The following SYCE3 variants were observed in gnomAD, a reference collection of about 807,000 sequenced individuals.
SYCE3 encodes testis highly expressed gene 2 protein.
SYCE3 carries 3 observed loss-of-function variants against 8.1 expected under a neutral mutation model. The ratio of observed to expected loss-of-function variants is 0.37; its 90% CI spans 0.17 to 0.96. The LOEUF (loss-of-function observed/expected upper bound fraction) is 0.96, where lower values mean the gene tolerates loss of function less well. SYCE3 is among the 40% of genes least tolerant of loss of function. SYCE3 has a pLI of 0.41. For synonymous variants in SYCE3, 36 were observed against 38.7 expected (o/e 0.93, Z 0.26); for missense variants, 83 against 110.0 (o/e 0.75, Z 1.10).
At chr22:50,555,729 A>T (rs1315869694) in intron 2 of SYCE3, among the ~76,000 whole-genome samples, 1 of 151,278 alleles carries the variant, frequency 6.6e-6, no homozygotes, top group Admixed American at 6.6e-5. Flanking sequence ...ATTTAAATCT[A>T]TCTATAACCT....
intron 1 of SYCE3, 74 bp from the exon 2 acceptor site, chr22:50,556,479 A>C: frequency 9.7e-7 from 1 of 1,033,986 alleles, no homozygotes; most frequent in Non-Finnish European, 1.4e-6. Context: ...GTTATAACTC[A>C]GTGATTTCTC....
intron 1 of SYCE3, among the ~76,000 whole-genome samples, chr22:50,560,044 C>T (rs552610532): frequency 2.6e-5 from 4 of 152,184 alleles, no homozygotes; most frequent in African/African-American, 4.8e-5. Context: ...AGAGCCCAAT[C>T]GAAATGTTTC....
chr22:50,559,212 C>T (rs1016880876), intron 1 of SYCE3, among the ~76,000 whole-genome samples: 1 of 152,046 alleles, frequency 6.6e-6, no homozygotes, highest in East Asian at 1.9e-4. Flanking sequence ...CCACAACCTC[C>T]GCCTCCCAGG....
intron 2 of SYCE3, among the ~76,000 whole-genome samples, chr22:50,554,300 T>C (rs991579410): frequency 6.6e-6 from 1 of 151,882 alleles, no homozygotes; most frequent in Non-Finnish European, 1.5e-5. Context: ...AAAATACAAC[T>C]AAATATTTCA....
rs373086990 is a variant in SYCE3 at position 50,551,364 on chromosome 22, G to A, written c.148C>T (p.Arg50Cys). 4.5e-6 allele frequency: 7 copies of A among 1,550,920 alleles called. No individual in the cohort carries two copies. The highest frequency in any genetic ancestry group is 1.2e-5 in the South Asian group (1 of 84,058). ...GACTCGGCCAGCGTAGGGTTGGTGC[G>A]CATCACCACCATGTCATAGGCCATC... ...TWMAYDMVVMRTNPTLAESMR... is the reference protein window; with the variant it reads ...TWMAYDMVVMCTNPTLAESMR... The change falls in exon 3 of 3, where the codon CGC becomes TGC. Residue 50 changes from arginine (R) to cysteine (C), a missense_variant. Coordinates refer to ENST00000406915, the MANE Select transcript of SYCE3 (RefSeq NM_001123225.3).
chr22:50,554,494 G>A (rs2069839603), intron 2 of SYCE3, among the ~76,000 whole-genome samples: 1 of 151,682 alleles, frequency 6.6e-6, no homozygotes, highest in Admixed American at 6.6e-5. Flanking sequence ...AGGAGTTTGA[G>A]ACCAGCCTGG....
intron 1 of SYCE3, 73 bp from the exon 2 acceptor site, chr22:50,556,478 C>CA (rs1448244519): frequency 9.6e-7 from 1 of 1,038,672 alleles, no homozygotes; most frequent in Non-Finnish European, 1.4e-6. Flanking sequence ...GGTTATAACT[C>CA]AGTGATTTCT....
In SYCE3 at chr22:50,551,327, A is replaced by T. The variant is rs1176950201; in HGVS notation, c.185T>A (p.Leu62Gln). The T allele has an allele frequency of 6.4e-7, 1 of 1,551,324 alleles. No homozygotes were observed. The highest frequency in any genetic ancestry group is 1.2e-5 in the South Asian group (1 of 84,064). ...NPTLAESMRRLEDAFVNCKEE... is the reference protein window; with the variant it reads ...NPTLAESMRRQEDAFVNCKEE... The stretch of plus-strand genomic sequence containing the variant: ...CTTGCAGTTGACGAAGGCATCCTCC[A>T]GCCGACGCATGGACTCGGCCAGCGT... Residue 62 changes from leucine (L) to glutamine (Q), a missense_variant, in exon 3 of 3, where the codon CTG becomes CAG. Physicochemically the swap from Leu to Gln is moderately radical, Grantham distance 113. Transcript: ENST00000406915.
intron 2 of SYCE3, among the ~76,000 whole-genome samples, chr22:50,555,961 T>C (rs2069856420): frequency 6.6e-6 from 1 of 151,978 alleles, no homozygotes. Flanking sequence ...ACCCAGCTAA[T>C]TTTTTGTATT....
intron 2 of SYCE3, among the ~76,000 whole-genome samples, chr22:50,552,199 T>C (rs1237878321): frequency 6.6e-6 from 1 of 152,120 alleles, no homozygotes; most frequent in Non-Finnish European, 1.5e-5. Context: ...CCCCTTAAAA[T>C]TCCTCTTTGT....
At chr22:50,560,695 C>G (rs1397942947) in intron 1 of SYCE3, among the ~76,000 whole-genome samples, 1 of 152,030 alleles carries the variant, frequency 6.6e-6, no homozygotes, top group Non-Finnish European at 1.5e-5. Context: ...TTCTTCGTTT[C>G]TAGGCTGTGT....
chr22:50,555,922 T>G, intron 2 of SYCE3, among the ~76,000 whole-genome samples: 1 of 151,524 alleles, frequency 6.6e-6, no homozygotes, highest in Non-Finnish European at 1.5e-5. Context: ...GCCTCCCGAG[T>G]AGCTGGGACT....
intron 1 of SYCE3, among the ~76,000 whole-genome samples, chr22:50,558,851 A>G (rs1325499971): frequency 6.6e-6 from 1 of 152,220 alleles, no homozygotes; most frequent in Non-Finnish European, 1.5e-5. Context: ...GTCATCTGGC[A>G]TCTGTCTCTG....
intron 1 of SYCE3, among the ~76,000 whole-genome samples, chr22:50,560,066 AAGG>A (rs2069899429): frequency 1.3e-5 from 2 of 152,344 alleles, no homozygotes; most frequent in Admixed American, 1.3e-4. Flanking sequence ...AAAGAGAGGG[AAGG>A]AGAAGTAGAA....
intron 1 of SYCE3, among the ~76,000 whole-genome samples, chr22:50,559,393 C>T (rs2146598477): frequency 6.6e-6 from 1 of 152,284 alleles, no homozygotes; most frequent in East Asian, 1.9e-4. Context: ...CTCCCAAGTC[C>T]TGGGATTACA....
chr22:50,559,591 C>T (rs1423135508), intron 1 of SYCE3, among the ~76,000 whole-genome samples: 1 of 152,056 alleles, frequency 6.6e-6, no homozygotes, highest in Non-Finnish European at 1.5e-5. Flanking sequence ...GAGGCAGCTG[C>T]AAAACTCCAG....
intron 2 of SYCE3, among the ~76,000 whole-genome samples, chr22:50,555,918 C>T (rs1035788256): frequency 4.0e-5 from 6 of 151,804 alleles, no homozygotes; most frequent in East Asian, 3.9e-4. Flanking sequence ...CTCAGCCTCC[C>T]GAGTAGCTGG....
chr22:50,552,573 G>A (rs776047972), intron 2 of SYCE3, among the ~76,000 whole-genome samples: 1 of 152,098 alleles, frequency 6.6e-6, no homozygotes, highest in East Asian at 1.9e-4. Flanking sequence ...CAGGAGAATC[G>A]CTTGAACCCA....
chr22:50,560,239 C>T (rs183403492), intron 1 of SYCE3, among the ~76,000 whole-genome samples: 1 of 152,278 alleles, frequency 6.6e-6, no homozygotes, highest in Admixed American at 6.5e-5. Flanking sequence ...TAGCTCATGC[C>T]TGGAATCCCA....
Sources: gnomAD v4.1 joint callset for allele counts (sites outside exome capture counted in the v4.1 genomes callset) on GRCh38, gnomAD v4.1.1 for gene constraint, MANE v1.5 for transcripts, NCBI Gene and HGNC (gene_info 2026-07-23, HGNC 2026-07-21) for gene names.